The following GAPVD1 variants were observed in gnomAD, a reference collection of about 807,000 sequenced individuals.
The protein encoded by GAPVD1 is GTPase activating protein and VPS9 domains 1, also known as GTPase-activating protein and VPS9 domain-containing protein 1.
A neutral mutation model predicts 155.5 loss-of-function variants in GAPVD1; 35 were observed. The observed-to-expected ratio is 0.23, with a 90% CI of 0.17 to 0.30. The LOEUF is 0.30. GAPVD1 is among the 10% of genes least tolerant of loss of function. GAPVD1 has a pLI of 1.00. For synonymous variants in GAPVD1, 636 were observed against 619.7 expected (o/e 1.03, Z -0.39); for missense variants, 1,429 against 1,775.7 (o/e 0.80, Z 3.51).
intron 15 of GAPVD1, 125 bp downstream of exon 15, chr9:125,332,754 T>A: frequency 1.4e-6 from 1 of 739,482 alleles, no homozygotes; most frequent in Non-Finnish European, 2.2e-6. Context: ...TGTCAGTATC[T>A]ATTTAAGGTC....
intron 15 of GAPVD1, among the ~76,000 whole-genome samples, chr9:125,334,959 T>C (rs956596648): frequency 2.0e-5 from 3 of 152,204 alleles, no homozygotes; most frequent in African/African-American, 2.4e-5. Flanking sequence ...GTTTAAAGAC[T>C]TTTCTGGTGA....
At chr9:125,350,519 T>C in intron 22 of GAPVD1, 115 bp downstream of exon 22, 1 of 765,082 alleles carries the variant, frequency 1.3e-6, no homozygotes, top group Non-Finnish European at 2.2e-6. Context: ...CAACTTAATA[T>C]GTTTACATTA....
At chr9:125,278,132 G>A (rs921062906) in intron 2 of GAPVD1, among the ~76,000 whole-genome samples, 2 of 152,160 alleles carry the variant, frequency 1.3e-5, no homozygotes, top group South Asian at 2.1e-4. Flanking sequence ...ATAAATCGTC[G>A]TGATTCAACA....
chr9:125,336,893 T>C (rs905827913), intron 15 of GAPVD1, 125 bp from the exon 16 acceptor site: 1 of 599,726 alleles, frequency 1.7e-6, no homozygotes, highest in Non-Finnish European at 3.0e-6. Context: ...TTTTTTCTGG[T>C]ATGCCTCTCA....
chr9:125,330,284 C>T (rs1845895861), intron 13 of GAPVD1, 66 bp downstream of exon 13: 4 of 1,062,022 alleles, frequency 3.8e-6, no homozygotes, highest in Non-Finnish European at 5.4e-6. Context: ...CAAGGTATCC[C>T]AACTCTGTAT....
At chr9:125,349,181 C>T (rs1230993917) in intron 20 of GAPVD1, among the ~76,000 whole-genome samples, 1 of 152,228 alleles carries the variant, frequency 6.6e-6, no homozygotes, top group Non-Finnish European at 1.5e-5. Flanking sequence ...AAACCACTCT[C>T]TTCTCAGCAA....
At position 125,341,391 on chromosome 9, in the gene GAPVD1, G is replaced by A. The variant is rs530498273; in HGVS notation, c.2965+127G>A. ...GGGCTTAAGTTTCTAGCTACTTTGA[G>A]GGTGTAGAAAGTGGTTCCACTCAGA... On this transcript the variant is annotated intron_variant, in intron 18 of 27. Transcript: ENST00000297933. 4.7e-5 allele frequency: 28 copies of A among 597,258 alleles called. No homozygotes were observed. The African/African-American group carries it at 5.3e-4, about 11-fold the overall frequency. The allele number at this position is 597,258 out of a possible 1,614,324, so 37.0% of individuals were successfully genotyped here.
chr9:125,305,071 C>T lies in GAPVD1; in HGVS notation c.1038C>T (p.Arg346=). The T allele has an allele frequency of 6.2e-7, 1 of 1,613,538 alleles. No homozygotes were observed. The highest frequency in any genetic ancestry group is 8.5e-7 in the Non-Finnish European group (1 of 1,179,494). The part of the protein sequence containing the change: ...VARFNLMQVG[R]LLQQLAMTGS... ...ACTGCTTTGGGTTGCAGGTAGGCCG[C>T]CTTTTGCAGCAGTTAGCAATGACTG... Residue 346 remains arginine (R), a synonymous_variant, in exon 6 of 28, where the codon CGC becomes CGT. Coordinates refer to ENST00000297933, the MANE Select transcript of GAPVD1 (RefSeq NM_001282680.3).
intron 2 of GAPVD1, among the ~76,000 whole-genome samples, chr9:125,270,167 G>A (rs774659712): frequency 1.1e-4 from 16 of 152,090 alleles, no homozygotes; most frequent in Non-Finnish European, 2.2e-4. Context: ...GGTGGCTCAT[G>A]CCTGTAATCC....
intron 20 of GAPVD1, among the ~76,000 whole-genome samples, chr9:125,348,982 A>G (rs545124021): frequency 3.4e-4 from 51 of 152,172 alleles, no homozygotes; most frequent in Non-Finnish European, 6.5e-4. Flanking sequence ...CAACCAAGAA[A>G]TTTAGAGCAA....
chr9:125,321,027 A>G (rs1844263425), intron 9 of GAPVD1, among the ~76,000 whole-genome samples: 1 of 152,220 alleles, frequency 6.6e-6, no homozygotes, highest in Admixed American at 6.5e-5. Flanking sequence ...CATGGCATAC[A>G]TACTGTTACT....
At chr9:125,283,016 GTTTATT>G (rs1283695141) in intron 2 of GAPVD1, among the ~76,000 whole-genome samples, 1 of 148,196 alleles carries the variant, frequency 6.7e-6, no homozygotes, top group African/African-American at 2.5e-5. Context: ...GTTACTTAAA[GTTTATT>G]TTTATTTTTA....
chr9:125,355,722 C>A lies in GAPVD1; in HGVS notation c.3836C>A (p.Ala1279Asp). ...DFLQFLYGAM[A>D]QDVIWQNASE... Reference sequence around the variant, plus strand: ...CTGCAGTTTCTTTATGGTGCAATGGCCCAGGATGTCATATGGCAAAACGCG... The same window carrying A: ...CTGCAGTTTCTTTATGGTGCAATGGACCAGGATGTCATATGGCAAAACGCG... The change falls in exon 25 of 28, where the codon GCC (alanine) becomes GAC (aspartate). Residue 1279 changes from alanine to aspartate, a missense_variant. By Grantham distance (126) the Ala-to-Asp change is moderately radical. Transcript: ENST00000297933. The A allele has an allele frequency of 6.2e-7, 1 of 1,613,044 alleles. No homozygotes were observed. The highest frequency in any genetic ancestry group is 8.5e-7 in the Non-Finnish European group (1 of 1,179,012).
At chr9:125,282,463 T>C (rs1836947175) in intron 2 of GAPVD1, among the ~76,000 whole-genome samples, 1 of 152,176 alleles carries the variant, frequency 6.6e-6, no homozygotes, top group Admixed American at 6.5e-5. Context: ...CTTTTACTTT[T>C]AGTTAAGTCT....
chr9:125,362,351 G>A (rs1250151231), intron 27 of GAPVD1, among the ~76,000 whole-genome samples: 1 of 152,120 alleles, frequency 6.6e-6, no homozygotes, highest in Non-Finnish European at 1.5e-5. Flanking sequence ...TTAGAAATCA[G>A]TGAGGTTAAG....
intron 2 of GAPVD1, among the ~76,000 whole-genome samples, chr9:125,278,720 A>G (rs1836223434): frequency 6.6e-6 from 1 of 151,714 alleles, no homozygotes; most frequent in Admixed American, 6.6e-5. Context: ...TTGTAGTCCC[A>G]GCTGCTTGGG....
intron 4 of GAPVD1, among the ~76,000 whole-genome samples, chr9:125,300,798 A>G (rs1200897006): frequency 1.3e-5 from 2 of 152,022 alleles, no homozygotes; most frequent in East Asian, 3.8e-4. Flanking sequence ...TTACCTCAAT[A>G]AAAATGAGTT....
At chr9:125,338,756 A>G (rs1847386736) in intron 17 of GAPVD1, among the ~76,000 whole-genome samples, 1 of 152,170 alleles carries the variant, frequency 6.6e-6, no homozygotes, top group Admixed American at 6.5e-5. Flanking sequence ...ATTTGAGGAA[A>G]TGTTGTCTTC....
chr9:125,324,369 T>C (rs1233886805), intron 11 of GAPVD1, among the ~76,000 whole-genome samples: 2 of 152,070 alleles, frequency 1.3e-5, no homozygotes, highest in African/African-American at 4.8e-5. Context: ...GGCGGGTGGA[T>C]CACCTGAGGT....
Sources: gnomAD v4.1 joint callset for allele counts (sites outside exome capture counted in the v4.1 genomes callset) on GRCh38, gnomAD v4.1.1 for gene constraint, MANE v1.5 for transcripts, NCBI Gene and HGNC (gene_info 2026-07-23, HGNC 2026-07-21) for gene names.